CA8: variants seen among roughly 807,000 people sequenced by gnomAD.
CA8 encodes carbonic anhydrase-related protein.
CA8 carries 22 observed loss-of-function variants against 41.4 expected under a neutral mutation model. The observed-to-expected ratio is 0.53, with a 90% CI of 0.38 to 0.76. The LOEUF (loss-of-function observed/expected upper bound fraction) is 0.76, where lower values mean the gene tolerates loss of function less well. Among genes scored for constraint, CA8 ranks in the 30% least tolerant of loss-of-function variants. The pLI is 0.00. For synonymous variants in CA8, 121 were observed against 130.6 expected (o/e 0.93, Z 0.50); for missense variants, 270 against 352.8 (o/e 0.77, Z 1.88).
chr8:60,241,296 T>C (rs1193930064), intron 3 of CA8, among the ~76,000 whole-genome samples: 1 of 152,236 alleles, frequency 6.6e-6, no homozygotes, highest in African/African-American at 2.4e-5. Context: ...CTACTTGTTA[T>C]GTCTGCCAAA....
intron 7 of CA8, among the ~76,000 whole-genome samples, chr8:60,210,786 G>T (rs936346639): frequency 6.6e-6 from 1 of 152,182 alleles, no homozygotes; most frequent in Non-Finnish European, 1.5e-5. Context: ...AAGCCAGTCA[G>T]ATAAGCAATC....
At position 60,185,853 on chromosome 8, in the gene CA8, A is replaced by C. The variant is rs1159881931; in HGVS notation, c.*4168T>G. Among the ~76,000 whole-genome samples, 1 of 148,180 alleles carries C rather than the reference A, an allele frequency of 6.7e-6. No individual in the cohort carries two copies. The highest frequency in any genetic ancestry group is 2.5e-5 in the African/African-American group (1 of 40,476). The stretch of plus-strand genomic sequence containing the variant: ...CCAGATACTAATTTGAATCCATTCC[A>C]AAAAAAAAAGGGCACTGGTAAATGT... On this transcript the variant is annotated 3_prime_UTR_variant, in exon 9 of 9. Coordinates refer to ENST00000317995, the MANE Select transcript of CA8 (RefSeq NM_004056.6).
At chr8:60,190,938 C>CACTATA (rs1018035216) in intron 8 of CA8, among the ~76,000 whole-genome samples, 1 of 117,334 alleles carries the variant, frequency 8.5e-6, no homozygotes, top group African/African-American at 3.4e-5. Flanking sequence ...CACACACACA[C>CACTATA]TATATATATA....
chr8:60,192,067 G>A (rs1563516363), intron 8 of CA8, among the ~76,000 whole-genome samples: 1 of 151,972 alleles, frequency 6.6e-6, no homozygotes, highest in African/African-American at 2.4e-5. Context: ...ATGCTATTGA[G>A]CTTTTCTTAC....
chr8:60,218,629 T>C (rs555125558), intron 7 of CA8, among the ~76,000 whole-genome samples: 1 of 152,246 alleles, frequency 6.6e-6, no homozygotes, highest in South Asian at 2.1e-4. Context: ...TAAAAGCAAA[T>C]GAATGCATTC....
In CA8 at chr8:60,266,789, A is replaced by T. The variant is rs140021303; in HGVS notation, c.293-740T>A. Among the ~76,000 whole-genome samples the T allele has an allele frequency of 2.3e-4, 35 of 152,344 alleles. 1 individual carries two copies. The East Asian group carries it at 6.0e-3, about 26-fold the overall frequency. ...GAACCTGTCTTAAAACAATAAAATT[A>T]TTTAGTTAAAAACTCCCTGACAGCA... is the stretch of plus-strand genomic sequence containing the variant. On this transcript the variant is annotated intron_variant, in intron 2 of 8. Transcript: ENST00000317995.
chr8:60,223,675 T>C (rs73243992), intron 6 of CA8, among the ~76,000 whole-genome samples: 2,423 of 152,324 alleles, frequency 0.016, 76 homozygotes, highest in African/African-American at 0.056. Flanking sequence ...TAAAACAAAA[T>C]GAGTCATTCT....
At chr8:60,262,266 T>C (rs1440134692) in intron 3 of CA8, among the ~76,000 whole-genome samples, 1 of 148,994 alleles carries the variant, frequency 6.7e-6, no homozygotes, top group Non-Finnish European at 1.5e-5. Flanking sequence ...CTGAAGTTAA[T>C]GTGAAGGGAA....
At chr8:60,241,912 G>T (rs1355250837) in intron 3 of CA8, among the ~76,000 whole-genome samples, 2 of 152,220 alleles carry the variant, frequency 1.3e-5, no homozygotes, top group Admixed American at 6.5e-5. Flanking sequence ...TCTATACAGT[G>T]AATCAGTGAC....
intron 7 of CA8, among the ~76,000 whole-genome samples, chr8:60,215,995 C>T (rs1010109417): frequency 3.9e-5 from 6 of 152,188 alleles, no homozygotes; most frequent in African/African-American, 1.4e-4. Context: ...GAAGAAAACA[C>T]TGCTCTTTAA....
rs374264092 is a variant in CA8 at position 60,189,522 on chromosome 8, A to G, written c.*499T>C. 4.6e-5 allele frequency: 7 copies of G among 152,072 alleles called. No individual in the cohort carries two copies. Among genetic ancestry groups the G allele is most frequent in the East Asian group, 3.9e-4 (2 of 5,180 alleles). The allele number at this position is 152,072 out of a possible 1,614,324, so 9.4% of individuals were successfully genotyped here. A position where few individuals can be genotyped will look rare whatever the true frequency, so the allele number is the denominator to read the frequency against. ...TGAGACATAATTTTACTAATCATTCACTTTGCATTTTGAAGCTCTATGCTG... is the reference window on the plus strand; with the variant it reads ...TGAGACATAATTTTACTAATCATTCGCTTTGCATTTTGAAGCTCTATGCTG... On this transcript the variant is annotated 3_prime_UTR_variant, in exon 9 of 9. Transcript: ENST00000317995.
Position 60,187,927 on chromosome 8 carries a change from T to C in CA8, c.*2094A>G, listed in dbSNP as rs1010376749. ...TCAAAACAGATTTGAGATTAGTTGT[T>C]GTGCTTTCGTTTACTGACAAACTAC... On this transcript the variant is annotated 3_prime_UTR_variant, in exon 9 of 9. Transcript: ENST00000317995. The C allele has an allele frequency of 6.6e-6, 1 of 152,200 alleles. No homozygotes were observed. The highest frequency in any genetic ancestry group is 2.4e-5 in the African/African-American group (1 of 41,450). 9.4% of individuals were successfully genotyped at this position (152,200 alleles called of 1,614,324 possible).
chr8:60,254,403 C>T (rs553188618), intron 3 of CA8, among the ~76,000 whole-genome samples: 6 of 152,268 alleles, frequency 3.9e-5, no homozygotes, highest in Admixed American at 3.9e-4. Context: ...ACACCACTGC[C>T]TGTATGTAGA....
At chr8:60,199,764 G>A (rs965459027) in intron 8 of CA8, among the ~76,000 whole-genome samples, 2 of 152,202 alleles carry the variant, frequency 1.3e-5, no homozygotes, top group African/African-American at 2.4e-5. Context: ...AGCTTTGTAT[G>A]TAATGAAAAC....
intron 7 of CA8, 50 bp from the exon 8 acceptor site, chr8:60,208,969 C>A (rs375700908): frequency 1.3e-6 from 2 of 1,584,960 alleles, no homozygotes; most frequent in Non-Finnish European, 1.7e-6. Flanking sequence ...CGGACATTAA[C>A]AAGATTGGAG....
chr8:60,255,005 C>T (rs941231492), intron 3 of CA8, among the ~76,000 whole-genome samples: 6 of 152,106 alleles, frequency 3.9e-5, no homozygotes, highest in African/African-American at 1.4e-4. Flanking sequence ...CTCTTGCTAG[C>T]GTCCAGTGCC....
chr8:60,262,093 C>T (rs1308890778), intron 3 of CA8, among the ~76,000 whole-genome samples: 2 of 152,038 alleles, frequency 1.3e-5, no homozygotes, highest in African/African-American at 4.8e-5. Flanking sequence ...AGTAGCTATT[C>T]GTGTATAAAA....
rs559384104 is a variant in CA8 at position 60,248,085 on chromosome 8, C to T, written c.418-15706G>A. Among the ~76,000 whole-genome samples, 3 of 150,284 alleles carry T rather than the reference C, an allele frequency of 2.0e-5. No homozygotes were observed. In the South Asian group the frequency reaches 6.3e-4, roughly 32 times the overall value. Reference sequence around the variant, plus strand: ...GAAGTGTCTGTTCATATACTTTGCCCAGTTTTTGATGTTTTTTTTTTTTAC... The same window carrying T: ...GAAGTGTCTGTTCATATACTTTGCCTAGTTTTTGATGTTTTTTTTTTTTAC... On this transcript the variant is annotated intron_variant, in intron 3 of 8. Coordinates refer to ENST00000317995, the MANE Select transcript of CA8 (RefSeq NM_004056.6).
chr8:60,261,165 T>TA (rs762299626), intron 3 of CA8, among the ~76,000 whole-genome samples: 1 of 152,272 alleles, frequency 6.6e-6, no homozygotes, highest in Admixed American at 6.5e-5. Context: ...TATTACGAGA[T>TA]AAAGTCTTCA....
Sources: gnomAD v4.1 joint callset for allele counts (sites outside exome capture counted in the v4.1 genomes callset) on GRCh38, gnomAD v4.1.1 for gene constraint, MANE v1.5 for transcripts, NCBI Gene and HGNC (gene_info 2026-07-23, HGNC 2026-07-21) for gene names.